Variants in HERC4 observed in about 807,000 individuals in gnomAD.
HERC4 encodes the protein probable E3 ubiquitin-protein ligase HERC4.
HERC4 carries 28 observed loss-of-function variants against 124.3 expected under a neutral mutation model. The ratio of observed to expected loss-of-function variants is 0.23; its 90% CI spans 0.17 to 0.31. The LOEUF is 0.31. Ranked by LOEUF, HERC4 falls within the 10% of genes least tolerant of loss-of-function variation. The pLI, the probability that HERC4 is intolerant of heterozygous loss-of-function variation, is 1.00. For missense variants in HERC4, 713 were observed against 1,229.3 expected, an observed-to-expected ratio of 0.58 and a Z score of 6.28; for synonymous variants, 407 against 421.5, an observed-to-expected ratio of 0.97 and a Z score of 0.42.
chr10:67,924,289 AC>A (rs1554894431), intron 24 of HERC4, among the ~76,000 whole-genome samples: 19 of 152,218 alleles, frequency 1.2e-4, no homozygotes, highest in Non-Finnish European at 2.6e-4. Context: ...AATAACATGT[AC>A]ATTCATGTGT....
intron 7 of HERC4, among the ~76,000 whole-genome samples, chr10:68,028,951 G>C (rs1009360300): frequency 4.6e-5 from 7 of 151,986 alleles, no homozygotes; most frequent in African/African-American, 1.5e-4. Context: ...TGGGAGGCTC[G>C]CTTAAAACCA....
chr10:68,036,404 T>C (rs571862976), intron 5 of HERC4, among the ~76,000 whole-genome samples: 33 of 151,628 alleles, frequency 2.2e-4, no homozygotes, highest in Non-Finnish European at 4.1e-4. Context: ...AAGGTCAATA[T>C]GAAAAACTGT....
At chr10:68,066,835 C>A (rs1411167194) in intron 3 of HERC4, among the ~76,000 whole-genome samples, 1 of 152,146 alleles carries the variant, frequency 6.6e-6, no homozygotes, top group African/African-American at 2.4e-5. Flanking sequence ...CAGAGTTATA[C>A]TGAAGTATCA....
At chr10:68,039,911 T>C (rs759471801) in intron 4 of HERC4, 1 of 984,464 alleles carries the variant, frequency 1.0e-6, no homozygotes, top group South Asian at 4.3e-5. Context: ...TTCAAAATAC[T>C]ACATTCTCAC....
rs35720011 is a variant in HERC4 at position 67,990,239 on chromosome 10, G to C, written c.1605C>G (p.Asn535Lys). Residue 535 changes from asparagine to lysine, a missense_variant, in exon 14 of 25, where the codon AAC becomes AAG. Transcript: ENST00000373700. ...GTACTTTCAGTGGTGCCTTTTCTAG[G>C]TTCACAAGAGCTGTACCAAAGGGAA... ...IAIPFGTALV[N>K]LEKAPLKVLE... 6.3e-4 allele frequency: 1,013 copies of C among 1,608,538 alleles called. No individual in the cohort carries two copies. Among genetic ancestry groups the C allele is most frequent in the Non-Finnish European group, 8.2e-4 (969 of 1,178,214 alleles).
intron 20 of HERC4, 59 bp downstream of exon 20, chr10:67,940,880 C>T: frequency 7.2e-7 from 1 of 1,392,486 alleles, no homozygotes; most frequent in Non-Finnish European, 9.8e-7. Flanking sequence ...GCTTTCTGTA[C>T]CTTCCCCACT....
rs529614893 is a variant in HERC4, at chr10:68,056,473, T to C, written c.227-11910A>G. On this transcript the variant is annotated intron_variant, in intron 3 of 24. Coordinates refer to ENST00000373700, the MANE Select transcript of HERC4 (RefSeq NM_015601.4). ...GGAGATGACATGGTAGGGAAGATCATTGTAATGGGAAGACAGCGATGCAAT... is the reference window on the plus strand; with the variant it reads ...GGAGATGACATGGTAGGGAAGATCACTGTAATGGGAAGACAGCGATGCAAT... Among the ~76,000 whole-genome samples, 39 of 152,292 alleles carry C rather than the reference T, an allele frequency of 2.6e-4. No individual in the cohort carries two copies. The South Asian group carries it at 4.8e-3, about 19-fold the overall frequency.
chr10:67,987,018 T>C (rs917770464), intron 15 of HERC4, among the ~76,000 whole-genome samples: 1 of 152,184 alleles, frequency 6.6e-6, no homozygotes, highest in Non-Finnish European at 1.5e-5. Context: ...TAAAGTTAAA[T>C]ATATCTAGAG....
At chr10:67,938,464 G>A (rs1239648276) in intron 21 of HERC4, among the ~76,000 whole-genome samples, 5 of 150,806 alleles carry the variant, frequency 3.3e-5, no homozygotes, top group South Asian at 2.1e-4. Context: ...AAAAAGAAAA[G>A]AAAAGGGAAA....
At position 67,938,950 on chromosome 10, in the gene HERC4, A is replaced by G. The variant is rs544583920; in HGVS notation, c.2571+638T>C. On this transcript the variant is annotated intron_variant, in intron 21 of 24. Coordinates refer to ENST00000373700, the MANE Select transcript of HERC4 (RefSeq NM_015601.4). ...CAGAGCAAGACTCTGTCTCAAAAAA[A>G]CAAAACAAAACAAAAAAAACCACAT... Among the ~76,000 whole-genome samples the G allele has an allele frequency of 5.3e-5, 8 of 152,316 alleles. No individual in the cohort carries two copies. In the South Asian group the frequency reaches 1.7e-3, roughly 32 times the overall value.
intron 15 of HERC4, among the ~76,000 whole-genome samples, chr10:67,982,758 G>GA (rs1241376038): frequency 4.6e-5 from 7 of 152,122 alleles, no homozygotes; most frequent in Admixed American, 6.5e-5. Context: ...CAATTCTATA[G>GA]AAAAAAATGC....
rs571513519 is a variant in HERC4, at chr10:68,069,213, T to C, written c.226+3670A>G. On this transcript the variant is annotated intron_variant, in intron 3 of 24. Transcript: ENST00000373700. ...ATCTTCAGAACTGAATTTGAAAGTATAAAAAAACAACAATTCATTTAAATG... is the reference window on the plus strand; with the variant it reads ...ATCTTCAGAACTGAATTTGAAAGTACAAAAAAACAACAATTCATTTAAATG... The C allele has an allele frequency of 6.3e-5, 61 of 960,880 alleles. No individual in the cohort carries two copies. In the South Asian group the frequency reaches 2.4e-3, roughly 37 times the overall value. 59.5% of individuals were successfully genotyped at this position (960,880 alleles called of 1,614,324 possible).
chr10:68,058,384 T>C (rs920178040), intron 3 of HERC4, among the ~76,000 whole-genome samples: 1 of 152,178 alleles, frequency 6.6e-6, no homozygotes, highest in Non-Finnish European at 1.5e-5. Flanking sequence ...AAGATCTGTA[T>C]TGTATATCTG....
chr10:67,957,472 T>C (rs1328879307), intron 16 of HERC4, among the ~76,000 whole-genome samples: 1 of 152,196 alleles, frequency 6.6e-6, no homozygotes, highest in African/African-American at 2.4e-5. Flanking sequence ...AAAAGTACCA[T>C]TAGTATTACT....
intron 23 of HERC4, among the ~76,000 whole-genome samples, chr10:67,927,481 A>T (rs748255928): frequency 8.5e-6 from 1 of 118,228 alleles, no homozygotes; most frequent in Non-Finnish European, 1.9e-5. Flanking sequence ...GCTGGAATAC[A>T]GTGGCACGAT....
intron 3 of HERC4, among the ~76,000 whole-genome samples, chr10:68,070,805 C>A (rs966738031): frequency 2.0e-5 from 3 of 152,070 alleles, no homozygotes; most frequent in Non-Finnish European, 2.9e-5. Context: ...AGGACCCCCC[C>A]CTTCTACAAA....
chr10:67,932,870 A>G (rs2031973337), intron 22 of HERC4, 90 bp from the exon 23 acceptor site: 1 of 1,119,596 alleles, frequency 8.9e-7, no homozygotes, highest in South Asian at 1.5e-5. Context: ...GTGCTCCTAC[A>G]ATTTCTGCTA....
chr10:68,043,897 A>G (rs1224067751), intron 4 of HERC4, among the ~76,000 whole-genome samples: 1 of 152,210 alleles, frequency 6.6e-6, no homozygotes, highest in Non-Finnish European at 1.5e-5. Context: ...TTATTTTTTA[A>G]TTGTGAAATA....
At chr10:67,989,757 A>C (rs553657933) in intron 14 of HERC4, among the ~76,000 whole-genome samples, 1 of 152,154 alleles carries the variant, frequency 6.6e-6, no homozygotes, top group African/African-American at 2.4e-5. Flanking sequence ...ATGAGCAATA[A>C]AATCTAGTCT....
Sources: allele counts gnomAD v4.1 joint callset (sites outside exome capture counted in the v4.1 genomes callset), GRCh38; gene constraint gnomAD v4.1.1; transcripts MANE v1.5; gene names NCBI Gene and HGNC (gene_info 2026-07-23, HGNC 2026-07-21).